The following POU1F1 variants were observed in gnomAD, a reference collection of about 807,000 sequenced individuals.
POU1F1 encodes the protein pituitary-specific positive transcription factor 1.
A neutral mutation model predicts 32.3 loss-of-function variants in POU1F1; 23 were observed. The observed-to-expected ratio is 0.71, with a 90% CI of 0.51 to 1.01. The LOEUF (loss-of-function observed/expected upper bound fraction) is 1.01. Ranked by LOEUF, POU1F1 falls within the 50% of genes least tolerant of loss-of-function variation. The pLI is 0.00. For synonymous variants in POU1F1, 120 were observed against 115.6 expected, an observed-to-expected ratio of 1.04 and a Z score of -0.25; for missense variants, 323 against 341.6, an observed-to-expected ratio of 0.95 and a Z score of 0.43.
chr3:87,271,643 G>A (rs749528946), intron 2 of POU1F1, among the ~76,000 whole-genome samples: 2 of 152,090 alleles, frequency 1.3e-5, no homozygotes, highest in African/African-American at 2.4e-5. Context: ...CAATCCACCC[G>A]CACCTCCAGT....
intron 2 of POU1F1, 85 bp downstream of exon 2, chr3:87,273,262 C>T: frequency 5.9e-6 from 8 of 1,358,202 alleles, no homozygotes; most frequent in South Asian, 1.2e-5. Context: ...TTTCATGTCA[C>T]ACTCTGATCA....
In POU1F1 at chr3:87,267,386, T is replaced by G. The variant is rs1267414083; in HGVS notation, c.215-2874A>C. 2.6e-5 allele frequency among the ~76,000 whole-genome samples: 4 copies of G among 152,318 alleles called. No homozygotes were observed. The Middle Eastern group carries it at 0.01, about 389-fold the overall frequency. On this transcript the variant is annotated intron_variant, in intron 2 of 5. Transcript: ENST00000350375. ...TGCAGTTTAAACCAGAACTAAAGTC[T>G]AATAAGCATTGCAGTAAGCCACATC...
At chr3:87,261,786 A>C (rs1297534942) in intron 4 of POU1F1, among the ~76,000 whole-genome samples, 2 of 152,156 alleles carry the variant, frequency 1.3e-5, no homozygotes, top group African/African-American at 4.8e-5. Flanking sequence ...AGAGGAAAAA[A>C]ATGGATGTGT....
At chr3:87,263,637 TTA>T (rs1445199666) in intron 3 of POU1F1, among the ~76,000 whole-genome samples, 1 of 152,074 alleles carries the variant, frequency 6.6e-6, no homozygotes, top group Non-Finnish European at 1.5e-5. Flanking sequence ...GCGCATATAT[TTA>T]TATGAGTGCA....
At chr3:87,271,197 G>C (rs1056931397) in intron 2 of POU1F1, among the ~76,000 whole-genome samples, 10 of 151,984 alleles carry the variant, frequency 6.6e-5, no homozygotes, top group African/African-American at 1.2e-4. Context: ...CGTGGAAGAG[G>C]GTTTGCTGAG....
At chr3:87,263,980 T>C (rs1401820436) in intron 3 of POU1F1, among the ~76,000 whole-genome samples, 1 of 151,996 alleles carries the variant, frequency 6.6e-6, no homozygotes, top group Admixed American at 6.6e-5. Flanking sequence ...TTTTGTACTT[T>C]TGAATCATAT....
intron 2 of POU1F1, among the ~76,000 whole-genome samples, chr3:87,266,623 C>A (rs1030619922): frequency 6.6e-6 from 1 of 151,534 alleles, no homozygotes; most frequent in African/African-American, 2.4e-5. Flanking sequence ...CCATTTTATG[C>A]TTTATTGTGT....
chr3:87,275,565 T>C (rs865841799), intron 1 of POU1F1, among the ~76,000 whole-genome samples: 39 of 152,092 alleles, frequency 2.6e-4, no homozygotes, highest in Admixed American at 5.9e-4. Context: ...AAATCAACTC[T>C]AAAACACTTT....
At chr3:87,273,856 A>G (rs1385817834) in intron 1 of POU1F1, among the ~76,000 whole-genome samples, 1 of 152,176 alleles carries the variant, frequency 6.6e-6, no homozygotes, top group Non-Finnish European at 1.5e-5. Context: ...CTTGTGTTGC[A>G]TGGTATTATA....
chr3:87,262,038 C>G (rs371620280), intron 4 of POU1F1, 33 bp downstream of exon 4: 1 of 1,613,088 alleles, frequency 6.2e-7, no homozygotes. Context: ...TAGGTTAAAA[C>G]ACAGCACAGC....
intron 2 of POU1F1, among the ~76,000 whole-genome samples, chr3:87,268,144 T>G (rs1257349982): frequency 1.4e-5 from 2 of 146,252 alleles, no homozygotes; most frequent in Admixed American, 7.0e-5. Context: ...GCTGGAGTGC[T>G]CTCGGCTCAC....
chr3:87,274,390 GTTAA>G (rs1706789469), intron 1 of POU1F1, among the ~76,000 whole-genome samples: 1 of 151,170 alleles, frequency 6.6e-6, no homozygotes, highest in Admixed American at 6.6e-5. Context: ...GAATATATTG[GTTAA>G]TTTTCATAAA....
Position 87,259,759 on chromosome 3 carries a change from A to C in POU1F1, c.*135T>G. 1.4e-6 allele frequency: 1 copy of C among 725,980 alleles called. No homozygotes were observed. The highest frequency in any genetic ancestry group is 2.3e-6 in the Non-Finnish European group (1 of 441,438). The allele number at this position is 725,980 out of a possible 1,614,324, so 45.0% of individuals were successfully genotyped here. On this transcript the variant is annotated 3_prime_UTR_variant, in exon 6 of 6. Coordinates refer to ENST00000350375, the MANE Select transcript of POU1F1 (RefSeq NM_000306.4). ...AATTGTTGGTTTCTTTTTTTTAAAA[A>C]AAAGTGGAAAAGTAAAGCTTCTGTA...
chr3:87,270,487 C>G (rs1192040052), intron 2 of POU1F1, among the ~76,000 whole-genome samples: 1 of 152,048 alleles, frequency 6.6e-6, no homozygotes, highest in African/African-American at 2.4e-5. Context: ...TCTTCTTTTC[C>G]TGTGAGTTAT....
chr3:87,260,839 CAAAAT>C (rs1706495615), intron 5 of POU1F1, among the ~76,000 whole-genome samples: 1 of 151,190 alleles, frequency 6.6e-6, no homozygotes, highest in Admixed American at 6.6e-5. Flanking sequence ...CTCCATTTCT[CAAAAT>C]TAAGTTATTA....
chr3:87,260,528 A>G (rs186764104), intron 5 of POU1F1, among the ~76,000 whole-genome samples: 50 of 152,342 alleles, frequency 3.3e-4, no homozygotes, highest in African/African-American at 1.2e-3. Context: ...AGTATTTGCT[A>G]AGCATGTCTC....
At chr3:87,263,624 G>A (rs541678703) in intron 3 of POU1F1, among the ~76,000 whole-genome samples, 1 of 152,082 alleles carries the variant, frequency 6.6e-6, no homozygotes, top group East Asian at 1.9e-4. Flanking sequence ...TAACATTTTT[G>A]CTGCGCATAT....
At chr3:87,269,500 A>C (rs556549834) in intron 2 of POU1F1, among the ~76,000 whole-genome samples, 1 of 152,176 alleles carries the variant, frequency 6.6e-6, no homozygotes, top group Non-Finnish European at 1.5e-5. Flanking sequence ...AACCAGAACA[A>C]TTTAGGGCCA....
chr3:87,264,333 G>T lies in POU1F1; in HGVS notation c.394C>A (p.Leu132Ile). The T allele has an allele frequency of 6.2e-7, 1 of 1,613,826 alleles. No homozygotes were observed. Among genetic ancestry groups the T allele is most frequent in the Non-Finnish European group, 8.5e-7 (1 of 1,179,854 alleles). The change falls in exon 3 of 6, where the codon CTT becomes ATT. Residue 132 changes from leucine (L) to isoleucine (I), a missense_variant. Transcript: ENST00000350375. ...TTAAATTCATTGGCAAACTTTTCAA[G>T]TTCTCTGATTTCTGGAGAATCCATG... is the stretch of plus-strand genomic sequence containing the variant. ...IDMDSPEIRELEKFANEFKVR... is the reference protein window; with the variant it reads ...IDMDSPEIREIEKFANEFKVR...
Sources: gnomAD v4.1 joint callset for allele counts (sites outside exome capture counted in the v4.1 genomes callset) on GRCh38, gnomAD v4.1.1 for gene constraint, MANE v1.5 for transcripts, NCBI Gene and HGNC (gene_info 2026-07-23, HGNC 2026-07-21) for gene names.